Variants in IL15 observed in about 807,000 individuals in gnomAD.
IL15 encodes the protein interleukin-15.
A neutral mutation model predicts 19.6 loss-of-function variants in IL15; 11 were observed. The observed-to-expected ratio is 0.56, with a 90% CI of 0.35 to 0.93. The LOEUF (loss-of-function observed/expected upper bound fraction) is 0.93. Ranked by LOEUF, IL15 falls within the 40% of genes least tolerant of loss-of-function variation. The pLI, the probability that IL15 is intolerant of heterozygous loss-of-function variation, is 0.01. For synonymous variants in IL15, 58 were observed against 59.6 expected (o/e 0.97, Z 0.12); for missense variants, 197 against 186.5 (o/e 1.06, Z -0.33).
At chr4:141,704,524 G>C in intron 2 of IL15, 1 of 273,774 alleles carries the variant, frequency 3.7e-6, no homozygotes, top group East Asian at 1.4e-4. Flanking sequence ...TTGTATCCTT[G>C]TCTGGTTTTG....
intron 2 of IL15, among the ~76,000 whole-genome samples, chr4:141,664,426 A>T (rs536567652): frequency 6.6e-6 from 1 of 151,866 alleles, no homozygotes; most frequent in East Asian, 1.9e-4. Flanking sequence ...GGGGAAATTC[A>T]AAAGAATGAT....
intron 4 of IL15, chr4:141,721,399 C>G (rs1056670968): frequency 1.6e-6 from 1 of 626,680 alleles, no homozygotes; most frequent in Non-Finnish European, 2.9e-6. Context: ...GAAGTCTGTA[C>G]TGTTTATGGA....
chr4:141,664,263 A>G (rs1008491346), intron 2 of IL15, among the ~76,000 whole-genome samples: 3 of 151,592 alleles, frequency 2.0e-5, no homozygotes, highest in African/African-American at 7.3e-5. Context: ...AGAGTTTCTA[A>G]CCATTACTCA....
intron 2 of IL15, among the ~76,000 whole-genome samples, chr4:141,685,482 G>T (rs1728678591): frequency 6.6e-6 from 1 of 152,130 alleles, no homozygotes; most frequent in African/African-American, 2.4e-5. Flanking sequence ...TCCTGAAAGA[G>T]ATGACTTTTG....
intron 1 of IL15, among the ~76,000 whole-genome samples, chr4:141,651,485 A>AAC (rs1466183727): frequency 6.6e-6 from 1 of 152,086 alleles, no homozygotes; most frequent in Admixed American, 6.6e-5. Flanking sequence ...TGTACAATGT[A>AAC]CATTATTCTG....
chr4:141,722,973 G>T (rs897395312), intron 5 of IL15, among the ~76,000 whole-genome samples: 1 of 149,936 alleles, frequency 6.7e-6, no homozygotes, highest in Non-Finnish European at 1.5e-5. Flanking sequence ...GTTGACTTAA[G>T]AAAAAAAAAG....
At chr4:141,687,628 C>T (rs898907635) in intron 2 of IL15, among the ~76,000 whole-genome samples, 1 of 151,986 alleles carries the variant, frequency 6.6e-6, no homozygotes, top group African/African-American at 2.4e-5. Context: ...AGCACTTACC[C>T]GAATTGTTTT....
chr4:141,660,474 G>A (rs940415998), intron 2 of IL15, among the ~76,000 whole-genome samples: 1 of 152,028 alleles, frequency 6.6e-6, no homozygotes, highest in Non-Finnish European at 1.5e-5. Context: ...GGTATTATGC[G>A]CTCATTATAG....
Position 141,709,715 on chromosome 4 carries a change from G to C in IL15, c.-99-9651G>C, listed in dbSNP as rs373941235. On this transcript the variant is annotated intron_variant, in intron 2 of 7. Coordinates refer to ENST00000320650, the MANE Select transcript of IL15 (RefSeq NM_000585.5). ...TATATAATTTGAAGCTATACTGTTA[G>C]GTACATAAACATTCATAACTATTAT... Among the ~76,000 whole-genome samples the C allele has an allele frequency of 3.3e-4, 50 of 152,024 alleles. No homozygotes were observed. In the South Asian group the frequency reaches 0.01, roughly 31 times the overall value.
At chr4:141,704,269 T>G (rs1729433694) in intron 2 of IL15, among the ~76,000 whole-genome samples, 1 of 152,170 alleles carries the variant, frequency 6.6e-6, no homozygotes, top group South Asian at 2.1e-4. Flanking sequence ...AATGTTGAAG[T>G]TTTTCAAATG....
At chr4:141,696,721 G>T (rs535225941) in intron 2 of IL15, among the ~76,000 whole-genome samples, 2 of 151,956 alleles carry the variant, frequency 1.3e-5, no homozygotes, top group Non-Finnish European at 2.9e-5. Flanking sequence ...GTGTAAGGTG[G>T]TATCTCATTG....
chr4:141,678,738 A>G (rs1324345252), intron 2 of IL15, among the ~76,000 whole-genome samples: 1 of 151,654 alleles, frequency 6.6e-6, no homozygotes, highest in Non-Finnish European at 1.5e-5. Flanking sequence ...AGTAGCTGGG[A>G]CTACAGGCAC....
chr4:141,696,486 G>A (rs530413948), intron 2 of IL15, among the ~76,000 whole-genome samples: 473 of 152,006 alleles, frequency 3.1e-3, no homozygotes, highest in Non-Finnish European at 5.9e-3. Flanking sequence ...ATTTTGATAC[G>A]TATTCCATTA....
chr4:141,703,726 C>T (rs1276503054), intron 2 of IL15, among the ~76,000 whole-genome samples: 5 of 136,038 alleles, frequency 3.7e-5, no homozygotes, highest in African/African-American at 1.4e-4. Flanking sequence ...TGCCTCCTAT[C>T]TGCTATCTTG....
At chr4:141,689,525 G>A (rs1289128098) in intron 2 of IL15, among the ~76,000 whole-genome samples, 3 of 152,098 alleles carry the variant, frequency 2.0e-5, no homozygotes, top group East Asian at 1.9e-4. Flanking sequence ...GCTGATTGGT[G>A]TATTTACAAA....
At chr4:141,657,571 TTC>T (rs1179871437) in intron 2 of IL15, among the ~76,000 whole-genome samples, 1 of 152,102 alleles carries the variant, frequency 6.6e-6, no homozygotes, top group Non-Finnish European at 1.5e-5. Context: ...TAAGCTTTTT[TTC>T]TGTTTTTAAA....
At chr4:141,673,114 G>A (rs1269801470) in intron 2 of IL15, among the ~76,000 whole-genome samples, 1 of 152,196 alleles carries the variant, frequency 6.6e-6, no homozygotes, top group Non-Finnish European at 1.5e-5. Context: ...ACAGCAGTTA[G>A]AACATTGTAA....
intron 1 of IL15, among the ~76,000 whole-genome samples, chr4:141,638,448 A>G (rs1308071633): frequency 6.6e-6 from 1 of 152,220 alleles, no homozygotes; most frequent in East Asian, 1.9e-4. Flanking sequence ...TCTGATAGGC[A>G]GGGTGTTCCC....
At chr4:141,689,549 A>G (rs1019884321) in intron 2 of IL15, among the ~76,000 whole-genome samples, 2 of 152,082 alleles carry the variant, frequency 1.3e-5, no homozygotes, top group South Asian at 4.1e-4. Flanking sequence ...TGAGCTAGAT[A>G]CAGAGTGCCG....
Sources: allele counts gnomAD v4.1 joint callset (sites outside exome capture counted in the v4.1 genomes callset), GRCh38; gene constraint gnomAD v4.1.1; transcripts MANE v1.5; gene names NCBI Gene and HGNC (gene_info 2026-07-23, HGNC 2026-07-21).